OR5AC2: variants seen among roughly 807,000 people sequenced by gnomAD.
OR5AC2 encodes the protein olfactory receptor 5AC2.
For missense variants in OR5AC2, 448 were observed against 375.3 expected, an observed-to-expected ratio of 1.19 and a Z score of -1.60; for synonymous variants, 172 against 136.3, an observed-to-expected ratio of 1.26 and a Z score of -1.82.
Position 98,087,518 on chromosome 3 carries a change from C to T in OR5AC2, c.346C>T (p.Leu116Phe). ...TTCCAGTGCAACTACAGAATGCTTC[C>T]TCCTGGTGATGATGGCCTATGACCG... ...FASSATTECF[L>F]LVMMAYDRYV... Residue 116 changes from leucine to phenylalanine, a missense_variant, in exon 1 of 1, where the codon CTC (leucine) becomes TTC (phenylalanine). Transcript: ENST00000358642. The T allele has an allele frequency of 1.2e-6, 2 of 1,614,120 alleles. No homozygotes were observed. Among genetic ancestry groups the T allele is most frequent in the South Asian group, 1.1e-5 (1 of 91,080 alleles).
chr3:98,087,989 G>A lies in OR5AC2; in HGVS notation c.817G>A (p.Asp273Asn), dbSNP rs1200216343. The A allele has an allele frequency of 1.9e-6, 3 of 1,614,026 alleles. No homozygotes were observed. The highest frequency in any genetic ancestry group is 8.5e-7 in the Non-Finnish European group (1 of 1,179,924). The stretch of plus-strand genomic sequence containing the variant: ...TGCATCTGGCTTAGCTGAAGACCAA[G>A]ACAAAGTGTATTCTCTGTTTTACAC... ...RPASGLAEDQ[D>N]KVYSLFYTII... Residue 273 changes from aspartate (D) to asparagine (N), a missense_variant, in exon 1 of 1, where the codon GAC (aspartate) becomes AAC (asparagine). Transcript: ENST00000358642.
chr3:98,088,047 A>G lies in OR5AC2; in HGVS notation c.875A>G (p.Tyr292Cys), dbSNP rs745813176. Residue 292 changes from tyrosine to cysteine, a missense_variant, in exon 1 of 1, where the codon TAC becomes TGC. Coordinates refer to ENST00000358642, the MANE Select transcript of OR5AC2 (RefSeq NM_054106.1). Reference sequence around the variant, plus strand: ...ATTCCCCTGCTAAACCCATTTATTTACAGCTTGAGAAATAAAAAAGTCATG... The same window carrying G: ...ATTCCCCTGCTAAACCCATTTATTTGCAGCTTGAGAAATAAAAAAGTCATG... The part of the protein sequence containing the change: ...IIIPLLNPFI[Y>C]SLRNKKVMHA... 22 of 1,612,100 alleles carry G rather than the reference A, an allele frequency of 1.4e-5. 1 individual carries two copies. Among genetic ancestry groups the G allele is most frequent in the East Asian group, 2.2e-5 (1 of 44,842 alleles).
Position 98,087,425 on chromosome 3 carries a change from G to A in OR5AC2, c.253G>A (p.Val85Ile). 4 of 1,614,092 alleles carry A rather than the reference G, an allele frequency of 2.5e-6. No individual in the cohort carries two copies. Among genetic ancestry groups the A allele is most frequent in the Non-Finnish European group, 3.4e-6 (4 of 1,180,006 alleles). The change falls in exon 1 of 1, where the codon GTC becomes ATC. Residue 85 changes from valine to isoleucine, a missense_variant. Physicochemically the swap from Val to Ile is conservative, Grantham distance 29. Coordinates refer to ENST00000358642, the MANE Select transcript of OR5AC2 (RefSeq NM_054106.1). ...AACCTCTATAACCCCTAGGATGCTG[G>A]TCAATTTCTTAGACAAGACTGCAAT... ...TSTSITPRML[V>I]NFLDKTAMIS...
rs751931250 is a variant in OR5AC2, at chr3:98,087,523, G to C, written c.351G>C (p.Leu117=). The change falls in exon 1 of 1, where the codon CTG becomes CTC. Residue 117 remains leucine (L), a synonymous_variant. Coordinates refer to ENST00000358642, the MANE Select transcript of OR5AC2 (RefSeq NM_054106.1). The part of the protein sequence containing the change: ...ASSATTECFL[L]VMMAYDRYVA... The stretch of plus-strand genomic sequence containing the variant: ...GTGCAACTACAGAATGCTTCCTCCT[G>C]GTGATGATGGCCTATGACCGCTATG... 6.2e-7 allele frequency: 1 copy of C among 1,614,062 alleles called. No homozygotes were observed. The highest frequency in any genetic ancestry group is 8.5e-7 in the Non-Finnish European group (1 of 1,180,014).
rs1211087031 is a variant in OR5AC2, at chr3:98,088,074, A to G, written c.902A>G (p.His301Arg). ...AGCTTGAGAAATAAAAAAGTCATGC[A>G]TGCATTGAGAAGAGTTATAAGGAAG... is the stretch of plus-strand genomic sequence containing the variant. ...IYSLRNKKVMHALRRVIRK is the reference protein window; with the variant it reads ...IYSLRNKKVMRALRRVIRK The change falls in exon 1 of 1, where the codon CAT becomes CGT. Residue 301 changes from histidine to arginine, a missense_variant. Coordinates refer to ENST00000358642, the MANE Select transcript of OR5AC2 (RefSeq NM_054106.1). 7 of 1,607,516 alleles carry G rather than the reference A, an allele frequency of 4.4e-6. No individual in the cohort carries two copies. The highest frequency in any genetic ancestry group is 3.4e-6 in the Non-Finnish European group (4 of 1,175,546).
Position 98,087,257 on chromosome 3 carries a change from T to G in OR5AC2, c.85T>G (p.Phe29Val). The G allele has an allele frequency of 6.2e-7, 1 of 1,614,108 alleles. No individual in the cohort carries two copies. Among genetic ancestry groups the G allele is most frequent in the Non-Finnish European group, 8.5e-7 (1 of 1,179,962 alleles). The change falls in exon 1 of 1, where the codon TTC (phenylalanine) becomes GTC (valine). Residue 29 changes from phenylalanine to valine, a missense_variant. Transcript: ENST00000358642. ...AGATCGACCATGGCTGCACGTCCTCTTCTTTGTTGTGTTTTTGGTGGTCTA... is the reference window on the plus strand; with the variant it reads ...AGATCGACCATGGCTGCACGTCCTCGTCTTTGTTGTGTTTTTGGTGGTCTA... ...LTDRPWLHVL[F>V]FVVFLVVYLI... is the part of the protein sequence containing the mutation.
At position 98,087,888 on chromosome 3, in the gene OR5AC2, C is replaced by T. The variant is rs1245299434; in HGVS notation, c.716C>T (p.Ala239Val). The T allele has an allele frequency of 6.2e-7, 1 of 1,613,698 alleles. No homozygotes were observed. The highest frequency in any genetic ancestry group is 1.1e-5 in the South Asian group (1 of 91,070). ...KKKSEKGRSK[A>V]FSTCGAHLLS... Reference sequence around the variant, plus strand: ...AAGTCTGAAAAGGGCAGAAGCAAAGCCTTCTCCACATGCGGCGCCCATCTG... The same window carrying T: ...AAGTCTGAAAAGGGCAGAAGCAAAGTCTTCTCCACATGCGGCGCCCATCTG... Residue 239 changes from alanine (A) to valine (V), a missense_variant, in exon 1 of 1, where the codon GCC becomes GTC. Transcript: ENST00000358642.
Position 98,087,615 on chromosome 3 carries a change from G to A in OR5AC2, c.443G>A (p.Ser148Asn), listed in dbSNP as rs1197686746. The change falls in exon 1 of 1, where the codon AGT becomes AAT. Residue 148 changes from serine (S) to asparagine (N), a missense_variant. Ser to Asn is a conservative substitution (Grantham distance 46, BLOSUM62 1). Coordinates refer to ENST00000358642, the MANE Select transcript of OR5AC2 (RefSeq NM_054106.1). ...MSNKLSAQLL[S>N]ISYVIGFLHP... Reference sequence around the variant, plus strand: ...AACAAACTCAGCGCTCAGTTGCTAAGTATTTCATATGTAATTGGTTTCCTG... The same window carrying A: ...AACAAACTCAGCGCTCAGTTGCTAAATATTTCATATGTAATTGGTTTCCTG... 6.2e-7 allele frequency: 1 copy of A among 1,613,870 alleles called. No homozygotes were observed. Among genetic ancestry groups the A allele is most frequent in the Non-Finnish European group, 8.5e-7 (1 of 1,179,982 alleles).
chr3:98,087,407 A>G lies in OR5AC2; in HGVS notation c.235A>G (p.Ile79Val), dbSNP rs749247824. 11 of 1,614,062 alleles carry G rather than the reference A, an allele frequency of 6.8e-6. No homozygotes were observed. The highest frequency in any genetic ancestry group is 2.2e-5 in the East Asian group (1 of 44,896). Reference sequence around the variant, plus strand: ...TTCAGATGCTTGTACTTCAACCTCTATAACCCCTAGGATGCTGGTCAATTT... The same window carrying G: ...TTCAGATGCTTGTACTTCAACCTCTGTAACCCCTAGGATGCTGGTCAATTT... ...AFSDACTSTS[I>V]TPRMLVNFLD... Residue 79 changes from isoleucine (I) to valine (V), a missense_variant, in exon 1 of 1, where the codon ATA becomes GTA. Ile to Val is a conservative substitution (Grantham distance 29). Coordinates refer to ENST00000358642, the MANE Select transcript of OR5AC2 (RefSeq NM_054106.1).
At position 98,088,088 on chromosome 3, in the gene OR5AC2, G is replaced by T. The variant is rs1437579827; in HGVS notation, c.916G>T (p.Val306Phe). The T allele has an allele frequency of 1.3e-6, 2 of 1,593,818 alleles. No individual in the cohort carries two copies. The highest frequency in any genetic ancestry group is 1.1e-5 in the South Asian group (1 of 89,700). ...AAAAGTCATGCATGCATTGAGAAGA[G>T]TTATAAGGAAGTAAACAGTTCCAAA... ...NKKVMHALRR[V>F]IRK The change falls in exon 1 of 1, where the codon GTT (valine) becomes TTT (phenylalanine). Residue 306 changes from valine to phenylalanine, a missense_variant. Physicochemically the swap from Val to Phe is conservative, Grantham distance 50 (BLOSUM62 -1). Transcript: ENST00000358642.
At position 98,087,416 on chromosome 3, in the gene OR5AC2, A is replaced by G. The variant is rs772012597; in HGVS notation, c.244A>G (p.Arg82Gly). ...TTGTACTTCAACCTCTATAACCCCT[A>G]GGATGCTGGTCAATTTCTTAGACAA... Reference protein sequence around the residue: ...DACTSTSITPRMLVNFLDKTA... With the variant: ...DACTSTSITPGMLVNFLDKTA... The change falls in exon 1 of 1, where the codon AGG becomes GGG. Residue 82 changes from arginine (R) to glycine (G), a missense_variant. Transcript: ENST00000358642. 3 of 1,614,142 alleles carry G rather than the reference A, an allele frequency of 1.9e-6. No individual in the cohort carries two copies. Among genetic ancestry groups the G allele is most frequent in the Non-Finnish European group, 2.5e-6 (3 of 1,179,996 alleles).
At position 98,087,900 on chromosome 3, in the gene OR5AC2, G is replaced by A; in HGVS notation, c.728G>A (p.Cys243Tyr). The A allele has an allele frequency of 6.2e-7, 1 of 1,613,854 alleles. No individual in the cohort carries two copies. Among genetic ancestry groups the A allele is most frequent in the East Asian group, 2.2e-5 (1 of 44,876 alleles). Residue 243 changes from cysteine to tyrosine, a missense_variant, in exon 1 of 1, where the codon TGC becomes TAC. By Grantham distance (194) the Cys-to-Tyr change is radical (BLOSUM62 -2). Transcript: ENST00000358642. ...EKGRSKAFST[C>Y]GAHLLSVSLY... ...GGCAGAAGCAAAGCCTTCTCCACAT[G>A]CGGCGCCCATCTGCTTTCTGTCTCA...
Position 98,087,904 on chromosome 3 carries a change from C to A in OR5AC2, c.732C>A (p.Gly244=). 1 of 1,613,870 alleles carries A rather than the reference C, an allele frequency of 6.2e-7. No individual in the cohort carries two copies. Among genetic ancestry groups the A allele is most frequent in the Non-Finnish European group, 8.5e-7 (1 of 1,179,858 alleles). The change falls in exon 1 of 1, where the codon GGC becomes GGA. Residue 244 remains glycine (G), a synonymous_variant. Transcript: ENST00000358642. Reference sequence around the variant, plus strand: ...GAAGCAAAGCCTTCTCCACATGCGGCGCCCATCTGCTTTCTGTCTCATTGT... The same window carrying A: ...GAAGCAAAGCCTTCTCCACATGCGGAGCCCATCTGCTTTCTGTCTCATTGT... ...KGRSKAFSTC[G]AHLLSVSLYY... is the part of the protein sequence containing the mutation.
chr3:98,087,457 C>G lies in OR5AC2; in HGVS notation c.285C>G (p.Ser95=). The part of the protein sequence containing the change: ...VNFLDKTAMI[S]LAECITQFYF... ...TCTTAGACAAGACTGCAATGATATC[C>G]CTAGCTGAGTGCATCACCCAGTTTT... The change falls in exon 1 of 1, where the codon TCC becomes TCG. Residue 95 remains serine (S), a synonymous_variant. Coordinates refer to ENST00000358642, the MANE Select transcript of OR5AC2 (RefSeq NM_054106.1). 1 of 1,614,092 alleles carries G rather than the reference C, an allele frequency of 6.2e-7. No homozygotes were observed. The highest frequency in any genetic ancestry group is 8.5e-7 in the Non-Finnish European group (1 of 1,180,012).
chr3:98,087,771 T>C lies in OR5AC2; in HGVS notation c.599T>C (p.Met200Thr), dbSNP rs753482206. ...AATGGTCCATCTATTAACGCACTAA[T>C]GATATTTATTTTTGGTGCTTTTATA... Reference protein sequence around the residue: ...SCNGPSINALMIFIFGAFIQI... With the variant: ...SCNGPSINALTIFIFGAFIQI... Residue 200 changes from methionine to threonine, a missense_variant, in exon 1 of 1, where the codon ATG (methionine) becomes ACG (threonine). Met to Thr is a moderately conservative substitution (Grantham distance 81, BLOSUM62 -1). Transcript: ENST00000358642. 8.1e-6 allele frequency: 13 copies of C among 1,605,788 alleles called. No homozygotes were observed. In the East Asian group the frequency reaches 2.5e-4, roughly 30 times the overall value.
Position 98,087,386 on chromosome 3 carries a change from G to T in OR5AC2, c.214G>T (p.Asp72Tyr). ...ATTCCTTGGTGGTTTAGCCTTTTCA[G>T]ATGCTTGTACTTCAACCTCTATAAC... Reference protein sequence around the residue: ...YLFLGGLAFSDACTSTSITPR... With the variant: ...YLFLGGLAFSYACTSTSITPR... Residue 72 changes from aspartate (D) to tyrosine (Y), a missense_variant, in exon 1 of 1, where the codon GAT (aspartate) becomes TAT (tyrosine). Physicochemically the swap from Asp to Tyr is radical, Grantham distance 160. Coordinates refer to ENST00000358642, the MANE Select transcript of OR5AC2 (RefSeq NM_054106.1). The T allele has an allele frequency of 6.2e-7, 1 of 1,614,146 alleles. No individual in the cohort carries two copies. The highest frequency in any genetic ancestry group is 8.5e-7 in the Non-Finnish European group (1 of 1,180,002).
rs763051962 is a variant in OR5AC2, at chr3:98,087,832, T to C, written c.660T>C (p.Tyr220=). 1 of 1,611,698 alleles carries C rather than the reference T, an allele frequency of 6.2e-7. No homozygotes were observed. Among genetic ancestry groups the C allele is most frequent in the East Asian group, 2.2e-5 (1 of 44,844 alleles). The change falls in exon 1 of 1, where the codon TAT becomes TAC. Residue 220 remains tyrosine (Y), a synonymous_variant. Transcript: ENST00000358642. ...CTTTAATGACTATCATAATCTCTTATACTCGTGTGCTCTTTGATATTCTGA... is the reference window on the plus strand; with the variant it reads ...CTTTAATGACTATCATAATCTCTTACACTCGTGTGCTCTTTGATATTCTGA... ...IPTLMTIIIS[Y]TRVLFDILKK... is the part of the protein sequence containing the mutation.
Position 98,087,833 on chromosome 3 carries a change from A to G in OR5AC2, c.661A>G (p.Thr221Ala). The change falls in exon 1 of 1, where the codon ACT becomes GCT. Residue 221 changes from threonine to alanine, a missense_variant. Thr to Ala is a moderately conservative substitution (Grantham distance 58). Coordinates refer to ENST00000358642, the MANE Select transcript of OR5AC2 (RefSeq NM_054106.1). ...PTLMTIIISY[T>A]RVLFDILKKK... is the part of the protein sequence containing the mutation. ...TTTAATGACTATCATAATCTCTTAT[A>G]CTCGTGTGCTCTTTGATATTCTGAA... The G allele has an allele frequency of 6.2e-7, 1 of 1,611,652 alleles. No homozygotes were observed. Among genetic ancestry groups the G allele is most frequent in the Non-Finnish European group, 8.5e-7 (1 of 1,178,308 alleles).
At position 98,087,485 on chromosome 3, in the gene OR5AC2, T is replaced by C. The variant is rs777876545; in HGVS notation, c.313T>C (p.Phe105Leu). 45 of 1,614,182 alleles carry C rather than the reference T, an allele frequency of 2.8e-5. No homozygotes were observed. The highest frequency in any genetic ancestry group is 3.6e-5 in the Non-Finnish European group (43 of 1,180,014). The change falls in exon 1 of 1, where the codon TTT becomes CTT. Residue 105 changes from phenylalanine to leucine, a missense_variant. Physicochemically the swap from Phe to Leu is conservative, Grantham distance 22 (BLOSUM62 0). Coordinates refer to ENST00000358642, the MANE Select transcript of OR5AC2 (RefSeq NM_054106.1). The part of the protein sequence containing the change: ...SLAECITQFY[F>L]FASSATTECF... ...AGCTGAGTGCATCACCCAGTTTTAC[T>C]TTTTTGCTTCCAGTGCAACTACAGA...
Sources: gnomAD v4.1 joint callset for allele counts on GRCh38, gnomAD v4.1.1 for gene constraint, MANE v1.5 for transcripts, NCBI Gene and HGNC (gene_info 2026-07-23, HGNC 2026-07-21) for gene names.